DACH2: variants seen among roughly 807,000 people sequenced by gnomAD.
DACH2 encodes dachshund homolog 2.
In DACH2, 17 loss-of-function variants were observed where a neutral mutation model predicts 35.8. The observed-to-expected ratio is 0.48, with a 90% CI of 0.33 to 0.71. The LOEUF (loss-of-function observed/expected upper bound fraction) is 0.71, where lower values mean the gene tolerates loss of function less well. DACH2 is among the 30% of genes least tolerant of loss of function. The pLI is 0.02. For synonymous variants in DACH2, 195 were observed against 177.3 expected, an observed-to-expected ratio of 1.10 and a Z score of -0.79; for missense variants, 469 against 472.7, an observed-to-expected ratio of 0.99 and a Z score of 0.07.
chrX:86,731,146 G>A (rs975396275), intron 6 of DACH2, among the ~76,000 whole-genome samples: 2 of 110,967 alleles, frequency 1.8e-5, no homozygotes, highest in Non-Finnish European at 3.8e-5. Flanking sequence ...TACTGTTTTC[G>A]ATTTTATTAT....
At chrX:86,422,058 G>A (rs1396719852) in intron 2 of DACH2, among the ~76,000 whole-genome samples, 1 of 111,031 alleles carries the variant, frequency 9.0e-6, no homozygotes, top group East Asian at 2.8e-4. Context: ...ACTACTCAGT[G>A]AAAATTGAGG....
intron 1 of DACH2, among the ~76,000 whole-genome samples, chrX:86,347,642 A>G (rs2035520530): frequency 8.9e-6 from 1 of 112,786 alleles, no homozygotes; most frequent in Non-Finnish European, 1.9e-5. Context: ...TTGTTCGTTT[A>G]TATAACCCTC....
chrX:86,788,483 G>A (rs929579413), intron 7 of DACH2, among the ~76,000 whole-genome samples: 1 of 111,740 alleles, frequency 8.9e-6, no homozygotes, highest in Admixed American at 9.5e-5. Context: ...GTATGCAATT[G>A]AATTTTCTTC....
intron 1 of DACH2, among the ~76,000 whole-genome samples, chrX:86,233,947 G>A (rs182977589): frequency 8.9e-6 from 1 of 111,942 alleles, no homozygotes; most frequent in East Asian, 2.8e-4. Context: ...GAGAATTATG[G>A]GAGTACAATT....
intron 1 of DACH2, among the ~76,000 whole-genome samples, chrX:86,295,285 G>C (rs1383987080): frequency 8.9e-6 from 1 of 111,821 alleles, no homozygotes; most frequent in Admixed American, 9.4e-5. Context: ...GCTCGCGCAC[G>C]GTGCGCGCAC....
chrX:86,458,891 G>T (rs1672068418), intron 2 of DACH2, among the ~76,000 whole-genome samples: 1 of 110,261 alleles, frequency 9.1e-6, no homozygotes, highest in African/African-American at 3.3e-5. Flanking sequence ...CTAGGGGAGG[G>T]ATAGCATTAG....
At chrX:86,437,284 G>A (rs996838403) in intron 2 of DACH2, among the ~76,000 whole-genome samples, 1 of 111,386 alleles carries the variant, frequency 9.0e-6, no homozygotes, top group Admixed American at 9.6e-5. Flanking sequence ...TTATTTCTAT[G>A]TGTTGGGGAC....
At chrX:86,179,299 T>G (rs1158751939) in intron 1 of DACH2, among the ~76,000 whole-genome samples, 1 of 112,459 alleles carries the variant, frequency 8.9e-6, no homozygotes, top group Non-Finnish European at 1.9e-5. Context: ...AGAAGATAGT[T>G]GTATGAACGA....
In DACH2 at chrX:86,220,870, C is replaced by T. The variant is rs769597444; in HGVS notation, c.488+71762C>T. Among the ~76,000 whole-genome samples, 4 of 112,202 alleles carry T rather than the reference C, an allele frequency of 3.6e-5. No homozygotes were observed. The East Asian group carries it at 1.1e-3, about 32-fold the overall frequency. On this transcript the variant is annotated intron_variant, in intron 1 of 11. Coordinates refer to ENST00000373125, the MANE Select transcript of DACH2 (RefSeq NM_053281.3). ...GGATTACAATTTCTTCACATCCTTG[C>T]TAATGCTTGTTATCTTTTATAAAAA...
At chrX:86,358,179 C>T (rs1416813679) in intron 1 of DACH2, among the ~76,000 whole-genome samples, 1 of 111,108 alleles carries the variant, frequency 9.0e-6, no homozygotes, top group African/African-American at 3.3e-5. Context: ...TTAATGTTTG[C>T]TGTACAGCAA....
chrX:86,609,768 A>G (rs1249640254), intron 3 of DACH2, among the ~76,000 whole-genome samples: 1 of 111,542 alleles, frequency 9.0e-6, no homozygotes, highest in African/African-American at 3.3e-5. Context: ...CTGGATTACC[A>G]TACTGAGACT....
intron 1 of DACH2, among the ~76,000 whole-genome samples, chrX:86,328,344 G>A (rs1441702296): frequency 1.8e-5 from 2 of 111,341 alleles, no homozygotes; most frequent in African/African-American, 3.3e-5. Flanking sequence ...CTCATTGGGG[G>A]AGTCATTCAC....
chrX:86,557,285 T>G (rs1234710508), intron 3 of DACH2, among the ~76,000 whole-genome samples: 1 of 111,442 alleles, frequency 9.0e-6, no homozygotes, highest in Non-Finnish European at 1.9e-5. Context: ...CAGCTATCTG[T>G]GTATTCCTTA....
At chrX:86,453,636 C>T (rs1161573839) in intron 2 of DACH2, among the ~76,000 whole-genome samples, 1 of 110,493 alleles carries the variant, frequency 9.1e-6, no homozygotes, top group Non-Finnish European at 1.9e-5. Flanking sequence ...TGATTGTAAC[C>T]CCTGTTTTTT....
intron 4 of DACH2, among the ~76,000 whole-genome samples, chrX:86,663,601 C>T (rs756864469): frequency 9.0e-6 from 1 of 111,715 alleles, no homozygotes; most frequent in Non-Finnish European, 1.9e-5. Flanking sequence ...CAGACACAAA[C>T]TCTGCCTGTT....
At chrX:86,493,527 A>G (rs1230487576) in intron 2 of DACH2, among the ~76,000 whole-genome samples, 1 of 111,855 alleles carries the variant, frequency 8.9e-6, no homozygotes, top group African/African-American at 3.2e-5. Context: ...GTTAAAGACT[A>G]TGTACCAGGC....
chrX:86,164,786 G>A (rs1378631629), intron 1 of DACH2, among the ~76,000 whole-genome samples: 1 of 110,940 alleles, frequency 9.0e-6, no homozygotes, highest in African/African-American at 3.3e-5. Context: ...CTGTTCCATT[G>A]GTCTGTGTGT....
At chrX:86,256,656 T>G (rs142139344) in intron 1 of DACH2, among the ~76,000 whole-genome samples, 2,417 of 112,181 alleles carry the variant, frequency 0.022, 83 homozygotes, top group African/African-American at 0.075. Context: ...ATATTGTTTT[T>G]GCTTGTTTGT....
At chrX:86,541,746 C>A (rs1436138147) in intron 3 of DACH2, among the ~76,000 whole-genome samples, 1 of 111,445 alleles carries the variant, frequency 9.0e-6, no homozygotes, top group Admixed American at 9.6e-5. Flanking sequence ...TTGATCTTAA[C>A]AACAACTATA....
Sources: gnomAD v4.1 joint callset for allele counts (sites outside exome capture counted in the v4.1 genomes callset) on GRCh38, gnomAD v4.1.1 for gene constraint, MANE v1.5 for transcripts, NCBI Gene and HGNC (gene_info 2026-07-23, HGNC 2026-07-21) for gene names.